Variants in MOB1B observed in about 807,000 individuals in gnomAD.
The protein encoded by MOB1B is MOB1 Mps One Binder homolog B.
MOB1B carries 19 observed loss-of-function variants against 24.4 expected under a neutral mutation model. The observed-to-expected ratio is 0.78, with a 90% CI of 0.54 to 1.14. MOB1B has a LOEUF of 1.14. Ranked by LOEUF, MOB1B falls within the 50% of genes most tolerant of loss-of-function variation. The pLI, the probability that MOB1B is intolerant of heterozygous loss-of-function variation, is 0.00. For synonymous variants in MOB1B, 76 were observed against 82.1 expected (o/e 0.93, Z 0.40); for missense variants, 243 against 259.6 (o/e 0.94, Z 0.44).
At chr4:70,961,351 A>G (rs922547526) in intron 2 of MOB1B, among the ~76,000 whole-genome samples, 15 of 152,234 alleles carry the variant, frequency 9.9e-5, no homozygotes, top group Non-Finnish European at 5.9e-5. Flanking sequence ...GATGATTCAC[A>G]TCCCAAGCGG....
intron 2 of MOB1B, among the ~76,000 whole-genome samples, chr4:70,959,337 G>A (rs1173486735): frequency 6.6e-6 from 1 of 152,106 alleles, no homozygotes; most frequent in Non-Finnish European, 1.5e-5. Context: ...AGCCTCTAGC[G>A]TAGCTGGGAC....
chr4:70,974,931 G>A (rs1277974861), intron 3 of MOB1B, among the ~76,000 whole-genome samples: 1 of 152,150 alleles, frequency 6.6e-6, no homozygotes, highest in Non-Finnish European at 1.5e-5. Flanking sequence ...GGACATGTGA[G>A]GAGAGCATAG....
chr4:70,938,737 T>A (rs1737196908), intron 1 of MOB1B, among the ~76,000 whole-genome samples: 1 of 151,376 alleles, frequency 6.6e-6, no homozygotes, highest in South Asian at 2.1e-4. Flanking sequence ...TTTTGTGGGA[T>A]CTATGATGTA....
Position 70,975,179 on chromosome 4 carries a change from C to G in MOB1B, c.302C>G (p.Thr101Arg). 6.2e-7 allele frequency: 1 copy of G among 1,608,114 alleles called. No homozygotes were observed. Among genetic ancestry groups the G allele is most frequent in the South Asian group, 1.1e-5 (1 of 89,670 alleles). ...TATGAGTATCATTGGGCAGATGGAACGAACATAAAGAAACCTATTAAGTGC... is the reference window on the plus strand; with the variant it reads ...TATGAGTATCATTGGGCAGATGGAAGGAACATAAAGAAACCTATTAAGTGC... ...PKYEYHWADG[T>R]NIKKPIKCSA... The change falls in exon 4 of 6, where the codon ACG becomes AGG. Residue 101 changes from threonine to arginine, a missense_variant. Physicochemically the swap from Thr to Arg is moderately conservative, Grantham distance 71. Transcript: ENST00000309395.
At position 70,982,848 on chromosome 4, in the gene MOB1B, A is replaced by G. The variant is rs184410762; in HGVS notation, c.*791A>G. The G allele has an allele frequency of 1.3e-5, 2 of 152,698 alleles. No individual in the cohort carries two copies. The highest frequency in any genetic ancestry group is 3.9e-4 in the East Asian group (2 of 5,166). The allele number at this position is 152,698 out of a possible 1,614,324, so 9.5% of individuals were successfully genotyped here. On this transcript the variant is annotated 3_prime_UTR_variant, in exon 6 of 6. Transcript: ENST00000309395. ...AATTCAGGTTATATATAGGATTGCC[A>G]TCTTCAGAGGTGATGCTGAACTGTG...
At chr4:70,923,197 G>A (rs1434986267) in intron 1 of MOB1B, among the ~76,000 whole-genome samples, 2 of 152,126 alleles carry the variant, frequency 1.3e-5, no homozygotes, top group African/African-American at 4.8e-5. Context: ...GCCAAGCAGC[G>A]TTACAACTGC....
At chr4:70,971,560 C>G (rs991732950) in intron 3 of MOB1B, among the ~76,000 whole-genome samples, 1 of 150,888 alleles carries the variant, frequency 6.6e-6, no homozygotes, top group Non-Finnish European at 1.5e-5. Context: ...GTTTTATCAT[C>G]AAAGCTAGAG....
intron 1 of MOB1B, 94 bp from the exon 2 acceptor site, chr4:70,958,780 A>G: frequency 9.0e-7 from 1 of 1,117,068 alleles, no homozygotes; most frequent in Non-Finnish European, 1.4e-6. Context: ...CTGGGATTTA[A>G]GCCAATACAG....
chr4:70,929,107 C>G (rs190458454), intron 1 of MOB1B, among the ~76,000 whole-genome samples: 6 of 151,930 alleles, frequency 3.9e-5, no homozygotes, highest in African/African-American at 1.4e-4. Context: ...GCCAAATAAA[C>G]AAGATAATAG....
intron 2 of MOB1B, 34 bp downstream of exon 2, chr4:70,959,074 A>G: frequency 6.3e-7 from 1 of 1,582,656 alleles, no homozygotes; most frequent in Non-Finnish European, 8.7e-7. Flanking sequence ...GTAGCCTGTG[A>G]ATTAGGGTAA....
rs1578356567 is a variant in MOB1B at position 70,925,022 on chromosome 4, G to A, written c.14+22472G>A. 4.6e-5 allele frequency among the ~76,000 whole-genome samples: 7 copies of A among 152,126 alleles called. No homozygotes were observed. The South Asian group carries it at 1.5e-3, about 32-fold the overall frequency. ...TTGGGAACCAAAATTTGCTTTAGTT[G>A]AGCTCTATTGATTTTATTTTATTTT... On this transcript the variant is annotated intron_variant, in intron 1 of 5. Coordinates refer to ENST00000309395, the MANE Select transcript of MOB1B (RefSeq NM_173468.4).
At chr4:70,969,521 T>C (rs994684808) in intron 2 of MOB1B, among the ~76,000 whole-genome samples, 1 of 152,244 alleles carries the variant, frequency 6.6e-6, no homozygotes, top group African/African-American at 2.4e-5. Context: ...CATCTCACTA[T>C]CATTTCAATT....
intron 1 of MOB1B, among the ~76,000 whole-genome samples, chr4:70,947,267 T>G (rs1737624495): frequency 6.6e-6 from 1 of 152,176 alleles, no homozygotes; most frequent in Non-Finnish European, 1.5e-5. Flanking sequence ...TTCTTATTGT[T>G]GATTTTTGTT....
chr4:70,949,687 A>G (rs1482220733), intron 1 of MOB1B, among the ~76,000 whole-genome samples: 1 of 152,106 alleles, frequency 6.6e-6, no homozygotes, highest in Non-Finnish European at 1.5e-5. Flanking sequence ...CAGGAGTTTG[A>G]GACTAGCCAG....
intron 1 of MOB1B, among the ~76,000 whole-genome samples, chr4:70,918,741 G>A (rs1454665910): frequency 1.3e-5 from 2 of 152,064 alleles, no homozygotes; most frequent in Non-Finnish European, 2.9e-5. Context: ...ATTGCTTTTG[G>A]TGTTTTAGAC....
At chr4:70,926,616 G>T (rs1232796999) in intron 1 of MOB1B, among the ~76,000 whole-genome samples, 1 of 152,108 alleles carries the variant, frequency 6.6e-6, no homozygotes, top group Non-Finnish European at 1.5e-5. Flanking sequence ...TGGCATTATT[G>T]CATAATAAAA....
chr4:70,952,289 A>G (rs1008199565), intron 1 of MOB1B, among the ~76,000 whole-genome samples: 2 of 152,070 alleles, frequency 1.3e-5, no homozygotes, highest in African/African-American at 4.8e-5. Flanking sequence ...TCTTAAATAT[A>G]ACAGTCTTCT....
At chr4:70,980,595 T>TA (rs2148905142) in intron 5 of MOB1B, among the ~76,000 whole-genome samples, 1 of 152,274 alleles carries the variant, frequency 6.6e-6, no homozygotes, top group South Asian at 2.1e-4. Flanking sequence ...AATTTAGAGA[T>TA]ACCTGCTCTG....
chr4:70,913,205 C>T (rs896208531), intron 1 of MOB1B, among the ~76,000 whole-genome samples: 33 of 152,100 alleles, frequency 2.2e-4, no homozygotes, highest in Non-Finnish European at 3.5e-4. Flanking sequence ...GCATTTGAGG[C>T]AGGAATATCA....
Sources: gnomAD v4.1 joint callset for allele counts (sites outside exome capture counted in the v4.1 genomes callset) on GRCh38, gnomAD v4.1.1 for gene constraint, MANE v1.5 for transcripts, NCBI Gene and HGNC (gene_info 2026-07-23, HGNC 2026-07-21) for gene names.